The following MYCBP2 variants were observed in gnomAD, a reference collection of about 807,000 sequenced individuals.
The protein encoded by MYCBP2 is MYC binding protein 2, also known as E3 ubiquitin-protein ligase MYCBP2.
Under a neutral mutation model 525.3 loss-of-function variants are expected in MYCBP2, and 120 were observed. The ratio of observed to expected loss-of-function variants is 0.23; its 90% CI spans 0.20 to 0.27. The LOEUF (loss-of-function observed/expected upper bound fraction) is 0.27, where lower values mean the gene tolerates loss of function less well. Among genes scored for constraint, MYCBP2 ranks in the 10% least tolerant of loss-of-function variants. The pLI is 1.00. For missense variants in MYCBP2, 4,149 were observed against 5,657.1 expected (o/e 0.73, Z 8.55); for synonymous variants, 1,894 against 1,955.8 (o/e 0.97, Z 0.83).
At chr13:77,154,290 C>T (rs1490764813) in intron 46 of MYCBP2, among the ~76,000 whole-genome samples, 1 of 150,286 alleles carries the variant, frequency 6.7e-6, no homozygotes, top group East Asian at 2.0e-4. Context: ...TTAGAGCACA[C>T]TGAGTAAGAG....
intron 17 of MYCBP2, among the ~76,000 whole-genome samples, chr13:77,233,639 G>A (rs764847726): frequency 3.3e-5 from 5 of 151,896 alleles, no homozygotes; most frequent in Non-Finnish European, 7.4e-5. Context: ...ATTCGTTGAA[G>A]ACAGATATCT....
At chr13:77,069,107 G>A (rs2040674892) in intron 69 of MYCBP2, among the ~76,000 whole-genome samples, 1 of 152,294 alleles carries the variant, frequency 6.6e-6, no homozygotes, top group South Asian at 2.1e-4. Context: ...TTACAGTTTA[G>A]CACGTCAAAA....
At chr13:77,222,351 A>T in intron 20 of MYCBP2, among the ~76,000 whole-genome samples, 1 of 152,236 alleles carries the variant, frequency 6.6e-6, no homozygotes, top group East Asian at 1.9e-4. Flanking sequence ...TGATTGTGAT[A>T]GTTTTACAAA....
Position 77,133,707 on chromosome 13 carries a change from A to T in MYCBP2, c.7659+5489T>A, listed in dbSNP as rs144377809. Among the ~76,000 whole-genome samples, 218 of 152,316 alleles carry T rather than the reference A, an allele frequency of 1.4e-3. 1 individual carries two copies. The highest frequency in any genetic ancestry group is 2.6e-3 in the Non-Finnish European group (176 of 68,020). ...ACCCTCAATTCTCTGCTTTACCTAT[A>T]TCAACTATTCATTAGTTCACATACA... On this transcript the variant is annotated intron_variant, in intron 52 of 82. Transcript: ENST00000544440.
chr13:77,092,728 T>A (rs959839417), intron 59 of MYCBP2, among the ~76,000 whole-genome samples: 1 of 152,134 alleles, frequency 6.6e-6, no homozygotes, highest in African/African-American at 2.4e-5. Flanking sequence ...GCCTGGCCTC[T>A]ATTTTCTTGT....
intron 4 of MYCBP2, among the ~76,000 whole-genome samples, chr13:77,275,520 C>A (rs1224793577): frequency 6.6e-6 from 1 of 152,118 alleles, no homozygotes; most frequent in African/African-American, 2.4e-5. Context: ...CTTCAGGGAG[C>A]CTGTTAAAGA....
At chr13:77,222,989 A>G (rs1444104259) in intron 20 of MYCBP2, among the ~76,000 whole-genome samples, 1 of 152,178 alleles carries the variant, frequency 6.6e-6, no homozygotes, top group East Asian at 1.9e-4. Context: ...AAGTTTTTGC[A>G]GCTAAGTGAA....
rs751727614 is a variant in MYCBP2 at position 77,077,173 on chromosome 13, C to T, written c.11699G>A (p.Arg3900Gln). ...TTGAGACGTAATCAGTCTGAATACTCGCAGAGTCTCAGCTTCACAGTTCCT... is the reference window on the plus strand; with the variant it reads ...TTGAGACGTAATCAGTCTGAATACTTGCAGAGTCTCAGCTTCACAGTTCCT... Reference protein sequence around the residue: ...QQRNCEAETLRVFRLITSQVF... With the variant: ...QQRNCEAETLQVFRLITSQVF... The change falls in exon 67 of 83, where the codon CGA becomes CAA. Residue 3900 changes from arginine (R) to glutamine (Q), a missense_variant. By Grantham distance (43) the Arg-to-Gln change is conservative (BLOSUM62 1). Transcript: ENST00000544440. The T allele has an allele frequency of 3.7e-6, 6 of 1,613,864 alleles. No homozygotes were observed. The highest frequency in any genetic ancestry group is 5.1e-6 in the Non-Finnish European group (6 of 1,179,922).
intron 55 of MYCBP2, chr13:77,118,527 T>C: frequency 1.3e-6 from 1 of 763,316 alleles, no homozygotes. Flanking sequence ...AAACTACAAC[T>C]CGTTATTCAT....
rs144590133 is a variant in MYCBP2 at position 77,150,830 on chromosome 13, G to A, written c.7035C>T (p.Asp2345=). The change falls in exon 47 of 83, where the codon GAC becomes GAT. Residue 2345 remains aspartate, a synonymous_variant. Transcript: ENST00000544440. Reference sequence around the variant, plus strand: ...GTGATGCCAGCCCTCCATAAGTCATGTCAGTATTAGAAGATGCAGCTGTTA... The same window carrying A: ...GTGATGCCAGCCCTCCATAAGTCATATCAGTATTAGAAGATGCAGCTGTTA... ...PAVTAASSNT[D]MTYGGLASPK... 67 of 1,613,980 alleles carry A rather than the reference G, an allele frequency of 4.2e-5. No individual in the cohort carries two copies. Among genetic ancestry groups the A allele is most frequent in the Non-Finnish European group, 5.5e-5 (65 of 1,179,996 alleles).
intron 37 of MYCBP2, among the ~76,000 whole-genome samples, chr13:77,174,045 G>A (rs1359367111): frequency 6.6e-6 from 1 of 152,280 alleles, no homozygotes; most frequent in East Asian, 1.9e-4. Context: ...TAGAGTGACA[G>A]CAACAGCACA....
chr13:77,239,087 T>C (rs530665337), intron 17 of MYCBP2, among the ~76,000 whole-genome samples: 2 of 152,052 alleles, frequency 1.3e-5, no homozygotes, highest in Admixed American at 6.6e-5. Flanking sequence ...ACCACTGCAC[T>C]CCAGCCTGGG....
At chr13:77,051,588 TTAAC>T (rs1368433132) in intron 81 of MYCBP2, among the ~76,000 whole-genome samples, 1 of 152,146 alleles carries the variant, frequency 6.6e-6, no homozygotes, top group East Asian at 1.9e-4. Context: ...ATTACATTGT[TTAAC>T]TATGGTGATC....
At chr13:77,072,552 T>A (rs73239445) in intron 68 of MYCBP2, among the ~76,000 whole-genome samples, 3,760 of 151,992 alleles carry the variant, frequency 0.025, 69 homozygotes, top group Middle Eastern at 0.075. Context: ...AGAAATAAAG[T>A]TGTGATTATT....
chr13:77,164,214 C>T (rs1468008413), intron 43 of MYCBP2, among the ~76,000 whole-genome samples: 1 of 152,074 alleles, frequency 6.6e-6, no homozygotes, highest in Non-Finnish European at 1.5e-5. Flanking sequence ...TACCCACTGC[C>T]TGGCTCAAAG....
intron 66 of MYCBP2, chr13:77,078,015 G>C (rs553907713): frequency 6.6e-6 from 1 of 151,408 alleles, no homozygotes; most frequent in East Asian, 1.9e-4. Flanking sequence ...TGTTCTTATG[G>C]CATTTAATAA....
chr13:77,300,009 T>C (rs1023994763), intron 1 of MYCBP2, among the ~76,000 whole-genome samples: 2 of 152,212 alleles, frequency 1.3e-5, no homozygotes, highest in Non-Finnish European at 2.9e-5. Context: ...CAATAGTTTC[T>C]CTATCAGCTT....
At chr13:77,214,934 C>T (rs1338802601) in intron 21 of MYCBP2, among the ~76,000 whole-genome samples, 1 of 152,088 alleles carries the variant, frequency 6.6e-6, no homozygotes, top group Non-Finnish European at 1.5e-5. Flanking sequence ...ACTGTGTATA[C>T]ACATACATAC....
intron 18 of MYCBP2, among the ~76,000 whole-genome samples, chr13:77,227,839 T>C (rs2066517053): frequency 6.6e-6 from 1 of 152,152 alleles, no homozygotes; most frequent in African/African-American, 2.4e-5. Flanking sequence ...TTTTAAAGGT[T>C]GGTAATTTAG....
Sources: gnomAD v4.1 joint callset for allele counts (sites outside exome capture counted in the v4.1 genomes callset) on GRCh38, gnomAD v4.1.1 for gene constraint, MANE v1.5 for transcripts, NCBI Gene and HGNC (gene_info 2026-07-23, HGNC 2026-07-21) for gene names.